Variants in PCDHA2 observed in about 807,000 individuals in gnomAD.
The protein encoded by PCDHA2 is protocadherin alpha 2.
A neutral mutation model predicts 66.0 loss-of-function variants in PCDHA2; 58 were observed. That is an observed-to-expected ratio of 0.88 (90% CI 0.71 to 1.09). The LOEUF (loss-of-function observed/expected upper bound fraction) is 1.09. Among genes scored for constraint, PCDHA2 ranks in the 50% least tolerant of loss-of-function variants. PCDHA2 has a pLI of 0.00. For synonymous variants in PCDHA2, 634 were observed against 554.0 expected, an observed-to-expected ratio of 1.14 and a Z score of -2.03; for missense variants, 1,267 against 1,242.3, an observed-to-expected ratio of 1.02 and a Z score of -0.30.
chr5:140,824,765 A>G (rs1050013225), intron 1 of PCDHA2: 1 of 151,626 alleles, frequency 6.6e-6, no homozygotes, highest in Non-Finnish European at 1.5e-5. Flanking sequence ...TGGCCTATAA[A>G]AATGTTTTAA....
rs2150126152 is a variant in PCDHA2, at chr5:140,823,473, G to A, written c.2388+26121G>A. ...ACGACAACGCGCCGGCGCTGCTGGT[G>A]CCTCGAGTGGGTGGCACCGGCGGCG... On this transcript the variant is annotated intron_variant, in intron 1 of 3. Coordinates refer to ENST00000526136, the MANE Select transcript of PCDHA2 (RefSeq NM_018905.3). 4 of 1,613,492 alleles carry A rather than the reference G, an allele frequency of 2.5e-6. No homozygotes were observed. In the South Asian group the frequency reaches 3.3e-5, roughly 13 times the overall value.
At chr5:141,000,558 G>A (rs1462892656) in intron 3 of PCDHA2, among the ~76,000 whole-genome samples, 1 of 149,136 alleles carries the variant, frequency 6.7e-6, no homozygotes, top group Admixed American at 6.8e-5. Flanking sequence ...CTCCCGAGTA[G>A]CTGGGATTAC....
intron 3 of PCDHA2, among the ~76,000 whole-genome samples, chr5:141,007,992 C>T (rs1215200964): frequency 1.3e-5 from 2 of 152,132 alleles, no homozygotes; most frequent in Admixed American, 6.5e-5. Context: ...ATGAAATGTA[C>T]ATGTTAATAA....
At position 140,856,418 on chromosome 5, in the gene PCDHA2, G is replaced by A. The variant is rs782470045; in HGVS notation, c.2388+59066G>A. 17 of 1,598,338 alleles carry A rather than the reference G, an allele frequency of 1.1e-5. 1 individual carries two copies. The Admixed American group carries it at 1.2e-4, about 11-fold the overall frequency. On this transcript the variant is annotated intron_variant, in intron 1 of 3. Transcript: ENST00000526136. ...TTTCCATGTGGACGTGGAAGTGAAGGACATTAACGACAACCCGCCCAGGTT... is the reference window on the plus strand; with the variant it reads ...TTTCCATGTGGACGTGGAAGTGAAGAACATTAACGACAACCCGCCCAGGTT...
At position 140,803,246 on chromosome 5, in the gene PCDHA2, C is replaced by T. The variant is rs1554122670; in HGVS notation, c.2388+5894C>T. 5 of 1,613,836 alleles carry T rather than the reference C, an allele frequency of 3.1e-6. No individual in the cohort carries two copies. The African/African-American group carries it at 4.0e-5, about 13-fold the overall frequency. The stretch of plus-strand genomic sequence containing the variant: ...CACCCAAGGCCTCGTCCCAGGCGTC[C>T]GCTGGCGCCACGGGCCCGGAAGCTG... On this transcript the variant is annotated intron_variant, in intron 1 of 3. Transcript: ENST00000526136.
At chr5:140,883,507 G>A (rs782325165) in intron 1 of PCDHA2, 2 of 1,614,200 alleles carry the variant, frequency 1.2e-6, no homozygotes, top group Admixed American at 1.7e-5. Context: ...ACAGCGCCCT[G>A]GACCGCGAGA....
chr5:140,932,866 T>C (rs1584758563), intron 1 of PCDHA2, among the ~76,000 whole-genome samples: 1 of 151,996 alleles, frequency 6.6e-6, no homozygotes, highest in Non-Finnish European at 1.5e-5. Flanking sequence ...TTATTGTCTT[T>C]TGTTGTCTTC....
At chr5:140,957,289 C>T (rs1235564629) in intron 1 of PCDHA2, among the ~76,000 whole-genome samples, 1 of 152,162 alleles carries the variant, frequency 6.6e-6, no homozygotes, top group Non-Finnish European at 1.5e-5. Context: ...CCTGCAGTTT[C>T]ACTCTGAGCA....
At chr5:140,996,087 G>C (rs1178912945) in intron 3 of PCDHA2, among the ~76,000 whole-genome samples, 3 of 152,200 alleles carry the variant, frequency 2.0e-5, no homozygotes, top group Non-Finnish European at 4.4e-5. Flanking sequence ...GTTTTTGCTA[G>C]ATTACATGGA....
rs199928168 is a variant in PCDHA2, at chr5:141,009,915, C to T, written c.2825C>T (p.Thr942Met). The part of the protein sequence containing the change: ...TQEKKEKGNS[T>M]TDNSDQ The stretch of plus-strand genomic sequence containing the variant: ...GAGAAAAAAGAGAAAGGGAACAGCA[C>T]GACTGACAACAGTGACCAGTGAGGT... The change falls in exon 4 of 4, where the codon ACG becomes ATG. Residue 942 changes from threonine to methionine, a missense_variant. Physicochemically the swap from Thr to Met is moderately conservative, Grantham distance 81. Coordinates refer to ENST00000526136, the MANE Select transcript of PCDHA2 (RefSeq NM_018905.3). The T allele has an allele frequency of 9.0e-4, 1,448 of 1,611,544 alleles. 2 individuals carry two copies. Among genetic ancestry groups the T allele is most frequent in the Admixed American group, 3.7e-3 (222 of 59,324 alleles).
intron 1 of PCDHA2, among the ~76,000 whole-genome samples, chr5:140,827,743 G>T (rs1236094358): frequency 6.6e-6 from 1 of 152,224 alleles, no homozygotes; most frequent in Non-Finnish European, 1.5e-5. Flanking sequence ...TGAATAATTA[G>T]ATCCCTTACT....
intron 1 of PCDHA2, chr5:140,876,494 T>C: frequency 1.2e-6 from 2 of 1,614,062 alleles, no homozygotes; most frequent in African/African-American, 1.3e-5. Flanking sequence ...GTGGAAGTTC[T>C]GGACGTGAAT....
chr5:140,804,231 C>T (rs1763360733), intron 1 of PCDHA2: 1 of 151,966 alleles, frequency 6.6e-6, no homozygotes, highest in African/African-American at 2.4e-5. Context: ...TTCTTGATTT[C>T]CCAGTTGGGA....
intron 1 of PCDHA2, chr5:140,830,137 G>T: frequency 1.2e-6 from 2 of 1,613,292 alleles, no homozygotes; most frequent in East Asian, 2.2e-5. Context: ...CATCACGGGC[G>T]TCGGTGGGCG....
At chr5:140,807,474 G>A (rs1554124040) in intron 1 of PCDHA2, 4 of 1,613,024 alleles carry the variant, frequency 2.5e-6, no homozygotes, top group Non-Finnish European at 3.4e-6. Flanking sequence ...GAGGAGCTGT[G>A]CCGGCGGAGC....
At chr5:140,953,062 C>A (rs2094842577) in intron 1 of PCDHA2, among the ~76,000 whole-genome samples, 1 of 152,160 alleles carries the variant, frequency 6.6e-6, no homozygotes, top group East Asian at 1.9e-4. Context: ...CTCTCACAGG[C>A]CCCATCTCCA....
chr5:140,879,955 A>G (rs1554171094), intron 1 of PCDHA2, among the ~76,000 whole-genome samples: 1 of 152,206 alleles, frequency 6.6e-6, no homozygotes, highest in Non-Finnish European at 1.5e-5. Context: ...GCCCATCTGG[A>G]TAATCCAGGA....
intron 1 of PCDHA2, chr5:140,869,336 A>G (rs781863950): frequency 6.2e-7 from 1 of 1,613,984 alleles, no homozygotes; most frequent in Admixed American, 1.7e-5. Flanking sequence ...CTGGAGGTAA[A>G]TCTGCAGAAT....
chr5:140,835,638 T>C, intron 1 of PCDHA2: 1 of 1,613,926 alleles, frequency 6.2e-7, no homozygotes, highest in Non-Finnish European at 8.5e-7. Context: ...CGAGAGTGTG[T>C]CCGCCTATGA....
Sources: allele counts gnomAD v4.1 joint callset (sites outside exome capture counted in the v4.1 genomes callset), GRCh38; gene constraint gnomAD v4.1.1; transcripts MANE v1.5; gene names NCBI Gene and HGNC (gene_info 2026-07-23, HGNC 2026-07-21).